GCAT: variants seen among roughly 807,000 people sequenced by gnomAD.
GCAT encodes glycine C-acetyltransferase.
Under a neutral mutation model 39.7 loss-of-function variants are expected in GCAT, and 26 were observed. That is an observed-to-expected ratio of 0.65 (90% CI 0.48 to 0.91). GCAT has a LOEUF of 0.91. Ranked by LOEUF, GCAT falls within the 40% of genes least tolerant of loss-of-function variation. The pLI is 0.00. For synonymous variants in GCAT, 218 were observed against 237.2 expected (o/e 0.92, Z 0.74); for missense variants, 550 against 576.2 (o/e 0.95, Z 0.47).
At chr22:37,811,875 C>CAA (rs55770597) in intron 2 of GCAT, among the ~76,000 whole-genome samples, 3,554 of 118,694 alleles carry the variant, frequency 0.03, 236 homozygotes, top group African/African-American at 0.098. Flanking sequence ...AACTCTGTCT[C>CAA]AAAAAAAAAA....
intron 4 of GCAT, 36 bp downstream of exon 4, chr22:37,813,645 C>A (rs1921858462): frequency 6.4e-7 from 1 of 1,558,820 alleles, no homozygotes; most frequent in East Asian, 2.2e-5. Flanking sequence ...CAGCCTCCGC[C>A]TGGGGAAGGA....
In GCAT at chr22:37,813,579, C is replaced by A. The variant is rs61737836; in HGVS notation, c.546C>A (p.Ala182=). ...ACCGCTATCGCCACCTGGACATGGC[C>A]GACCTAGAAGCCAAGCTGCAGGAGG... ...HKYRYRHLDM[A]DLEAKLQEAQ... is the part of the protein sequence containing the mutation. Residue 182 remains alanine (A), a synonymous_variant, in exon 4 of 9, where the codon GCC becomes GCA. Transcript: ENST00000248924. 6.1e-5 allele frequency: 98 copies of A among 1,612,162 alleles called. 2 individuals carry two copies. The Admixed American group carries it at 1.6e-3, about 26-fold the overall frequency.
rs1244807126 is a variant in GCAT, at chr22:37,808,211, G to A, written c.196+48G>A. 6.5e-6 allele frequency: 9 copies of A among 1,393,632 alleles called. No homozygotes were observed. The South Asian group carries it at 1.2e-4, about 19-fold the overall frequency. 86.3% of individuals were successfully genotyped at this position (1,393,632 alleles called of 1,614,324 possible). A position where few individuals can be genotyped will look rare whatever the true frequency, so the allele number is the denominator to read the frequency against. Reference sequence around the variant, plus strand: ...GTTCCAAGACCTTTCCCGAGCTTGCGCTGGAATGGAGGTCCTGGAGGTGGG... The same window carrying A: ...GTTCCAAGACCTTTCCCGAGCTTGCACTGGAATGGAGGTCCTGGAGGTGGG... On this transcript the variant is annotated intron_variant, in intron 1 of 8. Transcript: ENST00000248924.
chr22:37,808,319 G>A (rs1283072359), intron 1 of GCAT, among the ~76,000 whole-genome samples, 156 bp downstream of exon 1: 1 of 152,224 alleles, frequency 6.6e-6, no homozygotes, highest in African/African-American at 2.4e-5. Flanking sequence ...ATTGACTCTT[G>A]CCTGGTTAAA....
intron 1 of GCAT, 157 bp from the exon 2 acceptor site, chr22:37,809,870 G>A (rs530926606): frequency 5.6e-6 from 5 of 894,254 alleles, no homozygotes; most frequent in East Asian, 2.6e-5. Flanking sequence ...TAGCACTGAC[G>A]CTCCTTCTGT....
At chr22:37,809,797 G>A (rs1479723454) in intron 1 of GCAT, among the ~76,000 whole-genome samples, 4 of 151,958 alleles carry the variant, frequency 2.6e-5, no homozygotes, top group African/African-American at 9.7e-5. Context: ...TCCAACCTGG[G>A]CGACAGAGCT....
intron 4 of GCAT, 127 bp from the exon 5 acceptor site, chr22:37,814,999 T>C (rs1013384024): frequency 3.7e-6 from 3 of 810,202 alleles, no homozygotes; most frequent in Non-Finnish European, 6.0e-6. Context: ...AAGATGGTGG[T>C]ACCTCTGTGC....
intron 2 of GCAT, 46 bp downstream of exon 2, chr22:37,810,203 C>T: frequency 7.2e-7 from 1 of 1,384,114 alleles, no homozygotes; most frequent in South Asian, 1.2e-5. Flanking sequence ...CCCCAGCTGC[C>T]TGCTTCCCAC....
chr22:37,808,094 A>C lies in GCAT; in HGVS notation c.127A>C (p.Thr43Pro). The C allele has an allele frequency of 1.3e-6, 2 of 1,574,376 alleles. No homozygotes were observed. The highest frequency in any genetic ancestry group is 1.7e-6 in the Non-Finnish European group (2 of 1,162,130). ...GELEGIRGAG[T>P]WKSERVITSR... is the part of the protein sequence containing the mutation. ...GCTGGAAGGCATCCGCGGAGCTGGC[A>C]CTTGGAAGAGTGAGCGGGTCATCAC... The change falls in exon 1 of 9, where the codon ACT becomes CCT. Residue 43 changes from threonine (T) to proline (P), a missense_variant. Transcript: ENST00000248924.
In GCAT at chr22:37,816,896, G is replaced by A; in HGVS notation, c.*178G>A. 2 of 627,134 alleles carry A rather than the reference G, an allele frequency of 3.2e-6. No individual in the cohort carries two copies. 38.8% of individuals were successfully genotyped at this position (627,134 alleles called of 1,614,324 possible). On this transcript the variant is annotated 3_prime_UTR_variant, in exon 9 of 9. Transcript: ENST00000248924. ...AAACAACAGTGTGAAAATTGGCTGT[G>A]ACACTCTGGTCTGCTTTATTGTCTC... is the stretch of plus-strand genomic sequence containing the variant.
In GCAT at chr22:37,816,381, C is replaced by G. The variant is rs73883935; in HGVS notation, c.1108+60C>G. The G allele has an allele frequency of 1.9e-3, 2,996 of 1,587,470 alleles. 55 individuals carry two copies. The African/African-American group carries it at 0.036, about 19-fold the overall frequency. On this transcript the variant is annotated intron_variant, in intron 8 of 8. Transcript: ENST00000248924. ...TCCTGAGAGAAGAGAAAGGGAAACCCCTAGACTGTGACCCAGCCCCGTACC... is the reference window on the plus strand; with the variant it reads ...TCCTGAGAGAAGAGAAAGGGAAACCGCTAGACTGTGACCCAGCCCCGTACC...
Position 37,816,238 on chromosome 22 carries a change from C to A in GCAT, c.1025C>A (p.Ser342Ter). ...SKMEAAGFTI[S>*]GASHPICPVM... ...ATGGAAGCTGCTGGCTTCACTATCT[C>A]GGGAGCCAGTCACCCCATCTGCCCT... Residue 342 changes from serine to a stop codon, truncating the protein, a stop_gained, in exon 8 of 9, where the codon TCG becomes TAG. Transcript: ENST00000248924. LOFTEE classifies it high-confidence loss of function. 1 of 1,613,470 alleles carries A rather than the reference C, an allele frequency of 6.2e-7. No homozygotes were observed. The highest frequency in any genetic ancestry group is 8.5e-7 in the Non-Finnish European group (1 of 1,179,964).
Position 37,808,178 on chromosome 22 carries a change from C to A in GCAT, c.196+15C>A. ...CGTCTCCGGAGGTAACGCTCCGTTC[C>A]GGGAGTCGTTCCAAGACCTTTCCCG... On this transcript the variant is annotated intron_variant, in intron 1 of 8. Transcript: ENST00000248924. The A allele has an allele frequency of 6.8e-7, 1 of 1,466,558 alleles. No individual in the cohort carries two copies. The highest frequency in any genetic ancestry group is 9.0e-7 in the Non-Finnish European group (1 of 1,105,630). 90.8% of individuals were successfully genotyped at this position (1,466,558 alleles called of 1,614,324 possible). A position where few individuals can be genotyped will look rare whatever the true frequency, so the allele number is the denominator to read the frequency against.
chr22:37,816,991 A>T, downstream of GCAT: 1 of 406,494 alleles, frequency 2.5e-6, no homozygotes, highest in East Asian at 4.4e-5. Flanking sequence ...GAGGCGCCTG[A>T]GGACTGCAGA....
chr22:37,814,724 G>A (rs183632441), intron 4 of GCAT, among the ~76,000 whole-genome samples: 2 of 152,110 alleles, frequency 1.3e-5, no homozygotes, highest in Non-Finnish European at 2.9e-5. Context: ...TCTCGAACCC[G>A]TAAGCTCCCA....
intron 4 of GCAT, 23 bp downstream of exon 4, chr22:37,813,632 C>T (rs767291656): frequency 1.1e-5 from 17 of 1,578,314 alleles, no homozygotes; most frequent in Admixed American, 1.7e-5. Context: ...CTGGGTCCAC[C>T]CTCAGCCTCC....
intron 4 of GCAT, among the ~76,000 whole-genome samples, chr22:37,814,419 G>A (rs372374726): frequency 2.6e-3 from 393 of 152,098 alleles, no homozygotes; most frequent in African/African-American, 8.9e-3. Context: ...ACACACCACC[G>A]TGCTCAGCTA....
At chr22:37,809,927 C>T (rs1401963683) in intron 1 of GCAT, 100 bp from the exon 2 acceptor site, 2 of 1,521,434 alleles carry the variant, frequency 1.3e-6, no homozygotes, top group Non-Finnish European at 9.0e-7. Context: ...AGGTCTGTTT[C>T]CTTTCTGGAC....
intron 1 of GCAT, 188 bp from the exon 2 acceptor site, chr22:37,809,839 C>A: frequency 2.8e-6 from 2 of 707,092 alleles, no homozygotes; most frequent in African/African-American, 1.8e-5. Flanking sequence ...AAAGTTTAAA[C>A]TTCTTGCTCT....
Sources: gnomAD v4.1 joint callset for allele counts (sites outside exome capture counted in the v4.1 genomes callset) on GRCh38, gnomAD v4.1.1 for gene constraint, MANE v1.5 for transcripts, NCBI Gene and HGNC (gene_info 2026-07-23, HGNC 2026-07-21) for gene names.